The following ANO2 variants were observed in gnomAD, a reference collection of about 807,000 sequenced individuals.
The protein encoded by ANO2 is anoctamin 2, also known as anoctamin-2.
A neutral mutation model predicts 124.2 loss-of-function variants in ANO2; 101 were observed. The observed-to-expected ratio is 0.81, with a 90% CI of 0.69 to 0.96. ANO2 has a LOEUF of 0.96. Among genes scored for constraint, ANO2 ranks in the 40% least tolerant of loss-of-function variants. The pLI, the probability that ANO2 is intolerant of heterozygous loss-of-function variation, is 0.00. For missense variants in ANO2, 1,293 were observed against 1,274.5 expected, an observed-to-expected ratio of 1.01 and a Z score of -0.22; for synonymous variants, 486 against 482.5, an observed-to-expected ratio of 1.01 and a Z score of -0.09.
At chr12:5,576,527 C>G (rs1354062721) in intron 22 of ANO2, among the ~76,000 whole-genome samples, 1 of 152,174 alleles carries the variant, frequency 6.6e-6, no homozygotes, top group Non-Finnish European at 1.5e-5. Flanking sequence ...TTTAGCATGT[C>G]ATGTAATAGA....
chr12:5,923,083 C>CACACGCAT lies in ANO2; in HGVS notation c.23-280_23-279insATGCGTGT, dbSNP rs1555184532. Among the ~76,000 whole-genome samples, 25 of 16,062 alleles carry CACACGCAT rather than the reference C, an allele frequency of 1.6e-3. 5 individuals are homozygous for CACACGCAT. Among genetic ancestry groups the CACACGCAT allele is most frequent in the African/African-American group, 2.1e-3 (24 of 11,362 alleles). 10.5% of individuals were successfully genotyped at this position (16,062 alleles called of 152,430 possible). On this transcript the variant is annotated intron_variant, in intron 1 of 24. Transcript: ENST00000682330. Reference sequence around the variant, plus strand: ...ACATACACACACACATGCACACATACACACACACACGCACACACATACACA... The same window carrying CACACGCAT: ...ACATACACACACACATGCACACATACACACGCATACACACACACGCACACACATACACA...
In ANO2 at chr12:5,636,781, G is replaced by C. The variant is rs1379042193; in HGVS notation, c.1621-1434C>G. ...CAAGCAGTGTGAATGACACTCCAGT[G>C]GCTTGCTAATGGGTGGCAGATGTGT... On this transcript the variant is annotated intron_variant, in intron 15 of 24. Coordinates refer to ENST00000682330, the MANE Select transcript of ANO2 (RefSeq NM_001364791.2). The surrounding 1 kb of genome is among the most constrained non-coding windows in gnomAD (Gnocchi z 4.6). Among the ~76,000 whole-genome samples the C allele has an allele frequency of 1.3e-5, 2 of 152,066 alleles. No homozygotes were observed.
chr12:5,568,324 G>A (rs748430998), intron 23 of ANO2, among the ~76,000 whole-genome samples: 1 of 151,742 alleles, frequency 6.6e-6, no homozygotes, highest in Non-Finnish European at 1.5e-5. Flanking sequence ...TGTATTTTTA[G>A]TAGAGACGTG....
At chr12:5,750,798 A>G (rs1053345255) in intron 11 of ANO2, 38 bp downstream of exon 11, 2 of 1,595,792 alleles carry the variant, frequency 1.3e-6, no homozygotes, top group Admixed American at 1.8e-5. Flanking sequence ...AATTATTAAC[A>G]TATGGCAACT....
chr12:5,804,968 G>T (rs986136026), intron 9 of ANO2, among the ~76,000 whole-genome samples: 1 of 152,208 alleles, frequency 6.6e-6, no homozygotes, highest in Non-Finnish European at 1.5e-5. Context: ...GGGCGAGAGA[G>T]GTGAGATGTG....
At chr12:5,590,213 A>AT (rs143585794) in intron 20 of ANO2, among the ~76,000 whole-genome samples, 3,439 of 151,482 alleles carry the variant, frequency 0.023, 66 homozygotes, top group Non-Finnish European at 0.032. Context: ...ACATTATGAG[A>AT]TTTTTTTTTG....
intron 10 of ANO2, among the ~76,000 whole-genome samples, chr12:5,785,949 C>T (rs772743875): frequency 2.0e-5 from 3 of 151,748 alleles, no homozygotes; most frequent in Non-Finnish European, 2.9e-5. Context: ...AAAACACATA[C>T]TCATCAACTC....
At chr12:5,654,328 T>C (rs1448535590) in intron 14 of ANO2, among the ~76,000 whole-genome samples, 1 of 152,246 alleles carries the variant, frequency 6.6e-6, no homozygotes, top group Non-Finnish European at 1.5e-5. Flanking sequence ...TTATAAGGAA[T>C]GGTTGCTTCT....
At chr12:5,763,006 G>T (rs1264228348) in intron 10 of ANO2, among the ~76,000 whole-genome samples, 1 of 151,884 alleles carries the variant, frequency 6.6e-6, no homozygotes, top group Non-Finnish European at 1.5e-5. Flanking sequence ...TTGCCTTGAA[G>T]TCTTTTAATT....
intron 10 of ANO2, among the ~76,000 whole-genome samples, chr12:5,753,463 A>C (rs1220362954): frequency 6.6e-6 from 1 of 152,132 alleles, no homozygotes; most frequent in Non-Finnish European, 1.5e-5. Context: ...TTCTTGCATC[A>C]CTCAGCTTTC....
chr12:5,727,400 AC>A (rs1399005716), intron 14 of ANO2, among the ~76,000 whole-genome samples: 1 of 151,916 alleles, frequency 6.6e-6, no homozygotes, highest in African/African-American at 2.4e-5. Flanking sequence ...ACCCTACAGA[AC>A]CATGAGCCAA....
intron 11 of ANO2, among the ~76,000 whole-genome samples, chr12:5,748,049 C>T (rs773139643): frequency 3.3e-5 from 5 of 152,086 alleles, no homozygotes; most frequent in Non-Finnish European, 7.3e-5. Flanking sequence ...TCTATCTGCA[C>T]GTGCATGAGT....
intron 3 of ANO2, among the ~76,000 whole-genome samples, chr12:5,867,321 G>A (rs1955452502): frequency 6.6e-6 from 1 of 152,182 alleles, no homozygotes; most frequent in Non-Finnish European, 1.5e-5. Context: ...GGCTCCAAGT[G>A]GTTTCTGTGG....
intron 3 of ANO2, among the ~76,000 whole-genome samples, chr12:5,909,743 G>C (rs565936272): frequency 2.6e-5 from 4 of 151,192 alleles, no homozygotes; most frequent in African/African-American, 9.9e-5. Flanking sequence ...TCTCTGGGCA[G>C]TGCGTGCCCA....
chr12:5,854,970 GA>G (rs1314891947), intron 3 of ANO2, among the ~76,000 whole-genome samples: 3 of 151,088 alleles, frequency 2.0e-5, no homozygotes, highest in Admixed American at 2.0e-4. Context: ...ACGCACAGGG[GA>G]AAAAATACTT....
chr12:5,610,860 A>ACC (rs1565472315), intron 19 of ANO2, among the ~76,000 whole-genome samples: 1 of 103,286 alleles, frequency 9.7e-6, no homozygotes, highest in African/African-American at 3.2e-5. Context: ...ACACACACAC[A>ACC]ACCCTAAGGG....
intron 20 of ANO2, among the ~76,000 whole-genome samples, chr12:5,585,873 G>A (rs1240768050): frequency 6.6e-6 from 1 of 152,142 alleles, no homozygotes; most frequent in Admixed American, 6.5e-5. Context: ...TTGTGCAAAA[G>A]TGAACAAAAT....
At chr12:5,728,603 A>AATCCC (rs1229442560) in intron 14 of ANO2, among the ~76,000 whole-genome samples, 1 of 152,202 alleles carries the variant, frequency 6.6e-6, no homozygotes, top group African/African-American at 2.4e-5. Context: ...TCCCTAGCAA[A>AATCCC]ATCCCAGCTT....
At chr12:5,606,670 T>A (rs1163707683) in intron 19 of ANO2, among the ~76,000 whole-genome samples, 1 of 152,160 alleles carries the variant, frequency 6.6e-6, no homozygotes, top group Non-Finnish European at 1.5e-5. Context: ...AAAAAATGAC[T>A]GAAGAGTGGG....
Sources: allele counts gnomAD v4.1 joint callset (sites outside exome capture counted in the v4.1 genomes callset), GRCh38; gene constraint gnomAD v4.1.1; non-coding constraint Gnocchi (gnomAD v3.1); transcripts MANE v1.5; gene names NCBI Gene and HGNC (gene_info 2026-07-23, HGNC 2026-07-21).